The following NBEA variants were observed in gnomAD, a reference collection of about 807,000 sequenced individuals.
NBEA encodes lysosomal-trafficking regulator 2.
NBEA carries 44 observed loss-of-function variants against 343.4 expected under a neutral mutation model. The observed-to-expected ratio is 0.13, with a 90% confidence interval of 0.10 to 0.16. NBEA has a LOEUF of 0.16. NBEA is among the 10% of genes least tolerant of loss of function. The probability of loss-of-function intolerance (pLI) is 1.00; values close to 1 mark genes in which losing one functional copy is unlikely to be tolerated. For synonymous variants in NBEA, 1,175 were observed against 1,238.7 expected, an observed-to-expected ratio of 0.95 and a Z score of 1.08; for missense variants, 2,555 against 3,631.3, an observed-to-expected ratio of 0.70 and a Z score of 7.62.
intron 6 of NBEA, 41 bp downstream of exon 6, chr13:35,050,436 C>G (rs768334630): frequency 6.3e-7 from 1 of 1,576,052 alleles, no homozygotes; most frequent in Non-Finnish European, 8.6e-7. Context: ...CCTGTTATGA[C>G]AGAATTCTTA....
chr13:35,120,731 T>TAAAA (rs2066750314), intron 16 of NBEA, among the ~76,000 whole-genome samples: 1 of 133,650 alleles, frequency 7.5e-6, no homozygotes, highest in African/African-American at 3.6e-5. Flanking sequence ...GATGTTTTTA[T>TAAAA]ATCTGGGAAA....
chr13:34,999,531 T>C (rs2061053257), intron 1 of NBEA, among the ~76,000 whole-genome samples: 1 of 152,208 alleles, frequency 6.6e-6, no homozygotes, highest in Non-Finnish European at 1.5e-5. Flanking sequence ...CAGCAGAGTG[T>C]TCTCACTTTG....
chr13:35,486,710 A>G (rs964024748), intron 41 of NBEA, among the ~76,000 whole-genome samples: 1 of 152,088 alleles, frequency 6.6e-6, no homozygotes, highest in Non-Finnish European at 1.5e-5. Flanking sequence ...TTGCATTTAC[A>G]TAAACAACAT....
chr13:34,952,272 G>A (rs570078712), intron 1 of NBEA, among the ~76,000 whole-genome samples: 3 of 152,274 alleles, frequency 2.0e-5, no homozygotes, highest in African/African-American at 7.2e-5. Context: ...CTCTGGTAGG[G>A]AATGTGTCCC....
At chr13:35,647,506 CAAAT>C (rs1210863895) in intron 51 of NBEA, among the ~76,000 whole-genome samples, 2 of 152,162 alleles carry the variant, frequency 1.3e-5, no homozygotes, top group Admixed American at 1.3e-4. Context: ...GATACAGTGA[CAAAT>C]AAGTCCTCTA....
intron 36 of NBEA, among the ~76,000 whole-genome samples, chr13:35,313,464 A>G (rs1271392123): frequency 6.6e-6 from 1 of 152,188 alleles, no homozygotes. Context: ...TTGAAAGCAT[A>G]AAGAAAAGAA....
intron 34 of NBEA, among the ~76,000 whole-genome samples, chr13:35,255,717 G>T (rs1034075230): frequency 3.3e-5 from 5 of 152,238 alleles, no homozygotes; most frequent in Non-Finnish European, 7.3e-5. Flanking sequence ...GAGCCCCTAG[G>T]TCTGGGCTCC....
intron 20 of NBEA, among the ~76,000 whole-genome samples, chr13:35,156,442 A>G (rs1032344192): frequency 3.3e-5 from 5 of 152,150 alleles, no homozygotes; most frequent in Non-Finnish European, 7.4e-5. Flanking sequence ...ATATACATAT[A>G]AACAAACTCT....
At chr13:35,434,459 T>C (rs2152932137) in intron 39 of NBEA, among the ~76,000 whole-genome samples, 1 of 152,312 alleles carries the variant, frequency 6.6e-6, no homozygotes, top group South Asian at 2.1e-4. Context: ...GAGTATGTTT[T>C]TATTATACCT....
chr13:35,028,187 T>C (rs746494492), intron 1 of NBEA, among the ~76,000 whole-genome samples: 2 of 151,958 alleles, frequency 1.3e-5, no homozygotes, highest in African/African-American at 2.4e-5. Context: ...TTCAGAATTA[T>C]CTTGTTTACA....
At chr13:35,281,038 C>T (rs2035018092) in intron 34 of NBEA, among the ~76,000 whole-genome samples, 1 of 151,992 alleles carries the variant, frequency 6.6e-6, no homozygotes, top group Admixed American at 6.6e-5. Flanking sequence ...GAACTTGACT[C>T]TTAAGATCTC....
intron 39 of NBEA, 55 bp from the exon 40 acceptor site, chr13:35,452,037 C>A: frequency 7.8e-7 from 1 of 1,278,572 alleles, no homozygotes; most frequent in Non-Finnish European, 1.1e-6. Context: ...ATAATACCTA[C>A]TATAAGCAGA....
chr13:35,193,821 C>G (rs2072382159), intron 30 of NBEA, among the ~76,000 whole-genome samples: 1 of 151,752 alleles, frequency 6.6e-6, no homozygotes, highest in Admixed American at 6.6e-5. Context: ...TTTGACCAAA[C>G]TAACAAATAA....
Position 35,063,427 on chromosome 13 carries a change from A to G in NBEA, c.1239+4564A>G, listed in dbSNP as rs1335742667. Among the ~76,000 whole-genome samples, 3 of 152,048 alleles carry G rather than the reference A, an allele frequency of 2.0e-5. No individual in the cohort carries two copies. The East Asian group carries it at 5.8e-4, about 29-fold the overall frequency. On this transcript the variant is annotated intron_variant, in intron 8 of 58. Transcript: ENST00000379939. ...TGCTAGCCAAGTGGATATACGGGGAAGAGCTTTAAGGGCAAATGCCAGAGC... is the reference window on the plus strand; with the variant it reads ...TGCTAGCCAAGTGGATATACGGGGAGGAGCTTTAAGGGCAAATGCCAGAGC...
chr13:35,652,191 A>G (rs980325022), intron 53 of NBEA, among the ~76,000 whole-genome samples: 1 of 152,244 alleles, frequency 6.6e-6, no homozygotes, highest in East Asian at 1.9e-4. Context: ...TAAGGATTCA[A>G]AAAGATTACT....
rs116982634 is a variant in NBEA, at chr13:35,645,960, T to C, written c.7680+29T>C. Reference sequence around the variant, plus strand: ...TATGTTCTGTATTTAGTGTGGAAAGTGTTCTTTGGTCTTTAGCTGCATGCA... The same window carrying C: ...TATGTTCTGTATTTAGTGTGGAAAGCGTTCTTTGGTCTTTAGCTGCATGCA... On this transcript the variant is annotated intron_variant, in intron 50 of 58. Coordinates refer to ENST00000379939, the MANE Select transcript of NBEA (RefSeq NM_001385012.1). 1.7e-4 allele frequency: 243 copies of C among 1,416,198 alleles called. 3 individuals carry two copies. The East Asian group carries it at 4.6e-3, about 27-fold the overall frequency. 87.7% of individuals were successfully genotyped at this position (1,416,198 alleles called of 1,614,324 possible).
At chr13:35,435,802 A>G (rs558048074) in intron 39 of NBEA, among the ~76,000 whole-genome samples, 192 of 152,254 alleles carry the variant, frequency 1.3e-3, no homozygotes, top group Non-Finnish European at 1.7e-3. Flanking sequence ...TGCAGTAAAA[A>G]ATAAAAAGAA....
chr13:35,665,014 T>C, intron 55 of NBEA, 71 bp from the exon 56 acceptor site: 2 of 1,019,386 alleles, frequency 2.0e-6, no homozygotes, highest in South Asian at 2.8e-5. Flanking sequence ...TTTTTGAATA[T>C]TGCATTGCTG....
At chr13:35,598,620 G>C (rs1593327089) in intron 47 of NBEA, among the ~76,000 whole-genome samples, 2 of 152,114 alleles carry the variant, frequency 1.3e-5, no homozygotes, top group East Asian at 3.9e-4. Context: ...AATCCTTTTG[G>C]AACAGGATTC....
Sources: gnomAD v4.1 joint callset for allele counts (sites outside exome capture counted in the v4.1 genomes callset) on GRCh38, gnomAD v4.1.1 for gene constraint, MANE v1.5 for transcripts, NCBI Gene and HGNC (gene_info 2026-07-23, HGNC 2026-07-21) for gene names.